PHACTR1: variants seen among roughly 807,000 people sequenced by gnomAD.
PHACTR1 encodes the protein RPEL repeat containing 1.
Under a neutral mutation model 69.2 loss-of-function variants are expected in PHACTR1, and 16 were observed. The ratio of observed to expected loss-of-function variants is 0.23; its 90% confidence interval spans 0.16 to 0.35. The LOEUF (loss-of-function observed/expected upper bound fraction) is 0.35. Ranked by LOEUF, PHACTR1 falls within the 10% of genes least tolerant of loss-of-function variation. PHACTR1 has a pLI of 1.00. For synonymous variants in PHACTR1, 312 were observed against 284.5 expected, an observed-to-expected ratio of 1.10 and a Z score of -0.97; for missense variants, 510 against 734.7, an observed-to-expected ratio of 0.69 and a Z score of 3.54.
intron 5 of PHACTR1, among the ~76,000 whole-genome samples, chr6:13,153,709 T>C (rs570982111): frequency 6.6e-6 from 1 of 152,344 alleles, no homozygotes; most frequent in South Asian, 2.1e-4. Flanking sequence ...GGAGTTGCCT[T>C]GGCCACCTTC....
intron 4 of PHACTR1, among the ~76,000 whole-genome samples, chr6:12,804,629 T>C (rs1774091468): frequency 6.6e-6 from 1 of 152,114 alleles, no homozygotes; most frequent in Non-Finnish European, 1.5e-5. Flanking sequence ...CGAGATGAGC[T>C]TGGGCAACAT....
At chr6:12,885,403 G>T (rs908789745) in intron 4 of PHACTR1, among the ~76,000 whole-genome samples, 4 of 152,194 alleles carry the variant, frequency 2.6e-5, no homozygotes, top group African/African-American at 9.7e-5. Context: ...CACTTAAAGG[G>T]AAATGCCTGC....
At chr6:12,883,940 A>G (rs1362890928) in intron 4 of PHACTR1, among the ~76,000 whole-genome samples, 1 of 152,162 alleles carries the variant, frequency 6.6e-6, no homozygotes, top group Non-Finnish European at 1.5e-5. Flanking sequence ...GCCCATACAT[A>G]CACATACATA....
intron 4 of PHACTR1, among the ~76,000 whole-genome samples, chr6:12,987,238 C>T (rs113972909): frequency 3.1e-4 from 47 of 152,190 alleles, no homozygotes; most frequent in African/African-American, 1.1e-3. Context: ...AGCAGAATGA[C>T]ATTATCCATT....
In PHACTR1 at chr6:13,071,052, T is replaced by C. The variant is rs569812667; in HGVS notation, c.415+17523T>C. Among the ~76,000 whole-genome samples the C allele has an allele frequency of 3.3e-5, 5 of 152,260 alleles. No individual in the cohort carries two copies. In the South Asian group the frequency reaches 6.2e-4, roughly 19 times the overall value. ...AGGTCATGTTTAAAGGTCTTTCTTC[T>C]TTTTGTTACCCTGAAGGAGAGTTGG... is the stretch of plus-strand genomic sequence containing the variant. On this transcript the variant is annotated intron_variant, in intron 5 of 14. Coordinates refer to ENST00000332995, the MANE Select transcript of PHACTR1 (RefSeq NM_030948.6).
chr6:13,272,911 G>A lies in PHACTR1; in HGVS notation c.1443G>A (p.Leu481=), dbSNP rs762269627. The part of the protein sequence containing the change: ...TAEELEQRNI[L]KPRNEQEEQE... ...AGGAACTGGAACAGAGGAACATTTTGAAACGTAAGTGACTAAGCCCATGGC... is the reference window on the plus strand; with the variant it reads ...AGGAACTGGAACAGAGGAACATTTTAAAACGTAAGTGACTAAGCCCATGGC... Residue 481 remains leucine, a synonymous_variant, in exon 11 of 15, where the codon TTG becomes TTA. Transcript: ENST00000332995. 1.5e-5 allele frequency: 25 copies of A among 1,614,068 alleles called. No individual in the cohort carries two copies. The South Asian group carries it at 2.7e-4, about 18-fold the overall frequency.
At chr6:13,079,096 C>T (rs768316193) in intron 5 of PHACTR1, among the ~76,000 whole-genome samples, 3 of 152,100 alleles carry the variant, frequency 2.0e-5, no homozygotes, top group Non-Finnish European at 4.4e-5. Flanking sequence ...TTTCCAGATC[C>T]ACCTTCATCC....
At chr6:13,223,517 C>T (rs919737790) in intron 8 of PHACTR1, among the ~76,000 whole-genome samples, 38 of 152,138 alleles carry the variant, frequency 2.5e-4, no homozygotes, top group African/African-American at 8.9e-4. Flanking sequence ...TAATGATGCC[C>T]ATTTTTTACA....
At chr6:12,934,988 A>T (rs1370909070) in intron 4 of PHACTR1, among the ~76,000 whole-genome samples, 1 of 152,224 alleles carries the variant, frequency 6.6e-6, no homozygotes, top group Non-Finnish European at 1.5e-5. Flanking sequence ...GTCATGTACC[A>T]TCAACTCTCT....
chr6:13,143,766 T>C (rs565064188), intron 5 of PHACTR1, among the ~76,000 whole-genome samples: 181 of 152,026 alleles, frequency 1.2e-3, no homozygotes, highest in Non-Finnish European at 2.1e-3. Context: ...GACAGAAAAA[T>C]TACAGGCCAA....
At chr6:13,134,548 A>G (rs1821217962) in intron 5 of PHACTR1, among the ~76,000 whole-genome samples, 2 of 152,090 alleles carry the variant, frequency 1.3e-5, no homozygotes, top group African/African-American at 4.8e-5. Flanking sequence ...TAAGTGGATT[A>G]AGGGCGGTGC....
chr6:13,260,921 C>T (rs1775820606), intron 10 of PHACTR1, among the ~76,000 whole-genome samples: 1 of 152,212 alleles, frequency 6.6e-6, no homozygotes, highest in Non-Finnish European at 1.5e-5. Context: ...GGCTTCTCAA[C>T]CTAAGCACTG....
chr6:13,236,805 A>G (rs1365216083), intron 10 of PHACTR1, among the ~76,000 whole-genome samples: 3 of 152,216 alleles, frequency 2.0e-5, no homozygotes, highest in Non-Finnish European at 4.4e-5. Flanking sequence ...AATTCAATCC[A>G]TAACCCTTGG....
chr6:12,889,728 C>A (rs1783977456), intron 4 of PHACTR1, among the ~76,000 whole-genome samples: 1 of 150,520 alleles, frequency 6.6e-6, no homozygotes, highest in African/African-American at 2.4e-5. Flanking sequence ...GTTCAATTTT[C>A]TTCTTCTTTC....
chr6:12,767,748 A>C (rs1333556025), intron 4 of PHACTR1, among the ~76,000 whole-genome samples: 1 of 152,212 alleles, frequency 6.6e-6, no homozygotes, highest in Non-Finnish European at 1.5e-5. Context: ...GCATTCTGAC[A>C]TACAGAGGAA....
intron 4 of PHACTR1, among the ~76,000 whole-genome samples, chr6:12,910,040 TA>T (rs1316624746): frequency 6.6e-6 from 1 of 152,214 alleles, no homozygotes; most frequent in African/African-American, 2.4e-5. Context: ...CAGAGCTGCT[TA>T]ATCTCCCTTG....
chr6:12,749,052 C>A (rs1485233806), intron 3 of PHACTR1, among the ~76,000 whole-genome samples: 1 of 152,232 alleles, frequency 6.6e-6, no homozygotes, highest in Admixed American at 6.5e-5. Context: ...GCACAATGCC[C>A]TCCTCCATGA....
At chr6:13,003,965 G>GTATGTA (rs1554190273) in intron 4 of PHACTR1, among the ~76,000 whole-genome samples, 5 of 96,312 alleles carry the variant, frequency 5.2e-5, no homozygotes, top group East Asian at 2.2e-4. Flanking sequence ...ATATATATAT[G>GTATGTA]TATATATATA....
intron 5 of PHACTR1, among the ~76,000 whole-genome samples, chr6:13,139,706 C>T (rs947705541): frequency 5.3e-5 from 8 of 152,132 alleles, no homozygotes; most frequent in Non-Finnish European, 1.2e-4. Flanking sequence ...TCACACACAA[C>T]AGAGGAAGAT....
Sources: allele counts gnomAD v4.1 joint callset (sites outside exome capture counted in the v4.1 genomes callset), GRCh38; gene constraint gnomAD v4.1.1; transcripts MANE v1.5; gene names NCBI Gene and HGNC (gene_info 2026-07-23, HGNC 2026-07-21).